TNFAIP8L1: variants seen among roughly 807,000 people sequenced by gnomAD.
TNFAIP8L1 encodes the protein TNF alpha induced protein 8 like 1.
For missense variants in TNFAIP8L1, 225 were observed against 266.1 expected, an observed-to-expected ratio of 0.85 and a Z score of 1.08; for synonymous variants, 127 against 125.6, an observed-to-expected ratio of 1.01 and a Z score of -0.08.
rs1599832739 is a variant in TNFAIP8L1, at chr19:4,654,569, T to A, written c.*2139T>A. ...GTTGCCCAGGATGGTCTCGAACTCC[T>A]GGGCTCAAGCGACCTACCTACCTCG... On this transcript the variant is annotated 3_prime_UTR_variant, in exon 2 of 2. Coordinates refer to ENST00000327473, the MANE Select transcript of TNFAIP8L1 (RefSeq NM_152362.3). 6.6e-6 allele frequency: 1 copy of A among 152,196 alleles called. No homozygotes were observed. Among genetic ancestry groups the A allele is most frequent in the East Asian group, 1.9e-4 (1 of 5,178 alleles). The allele number at this position is 152,196 out of a possible 1,614,324, so 9.4% of individuals were successfully genotyped here.
chr19:4,647,523 G>A (rs2088322855), intron 1 of TNFAIP8L1, among the ~76,000 whole-genome samples: 1 of 151,188 alleles, frequency 6.6e-6, no homozygotes, highest in African/African-American at 2.4e-5. Context: ...TGTTGGCCAG[G>A]CTGATCTCAA....
chr19:4,650,548 C>A (rs1369728280), intron 1 of TNFAIP8L1, among the ~76,000 whole-genome samples: 2 of 151,934 alleles, frequency 1.3e-5, no homozygotes, highest in African/African-American at 4.8e-5. Flanking sequence ...GGAAACTGGG[C>A]AGGCTACAGG....
intron 1 of TNFAIP8L1, among the ~76,000 whole-genome samples, chr19:4,644,541 T>A (rs995247106): frequency 1.4e-5 from 2 of 144,566 alleles, no homozygotes; most frequent in African/African-American, 5.4e-5. Flanking sequence ...TAAGACCTTG[T>A]CTTAAAAAAA....
At chr19:4,649,331 T>C (rs1464508542) in intron 1 of TNFAIP8L1, among the ~76,000 whole-genome samples, 1 of 151,972 alleles carries the variant, frequency 6.6e-6, no homozygotes, top group East Asian at 1.9e-4. Context: ...CAGGCAGTGG[T>C]TGCAGCCTCT....
In TNFAIP8L1 at chr19:4,641,525, C is replaced by G. The variant is rs376918759; in HGVS notation, c.-4+1896C>G. The G allele has an allele frequency of 2.6e-5, 4 of 152,244 alleles. No homozygotes were observed. In the South Asian group the frequency reaches 8.3e-4, roughly 32 times the overall value. The allele number at this position is 152,244 out of a possible 1,614,324, so 9.4% of individuals were successfully genotyped here. ...TGACCTCCCTGGAATCACACCCGCT[C>G]GAGCTTTGACGCAGGGACCTCTGGC... is the stretch of plus-strand genomic sequence containing the variant. On this transcript the variant is annotated intron_variant, in intron 1 of 1. Coordinates refer to ENST00000327473, the MANE Select transcript of TNFAIP8L1 (RefSeq NM_152362.3). This position sits in a 1 kb window ranked among gnomAD's most constrained non-coding sequence, Gnocchi z 4.6.
At chr19:4,644,763 G>A (rs1239520794) in intron 1 of TNFAIP8L1, among the ~76,000 whole-genome samples, 1 of 151,790 alleles carries the variant, frequency 6.6e-6, no homozygotes, top group Non-Finnish European at 1.5e-5. Context: ...GCCACACACG[G>A]CTAATTTTTG....
chr19:4,642,830 G>A (rs1183769733), intron 1 of TNFAIP8L1, among the ~76,000 whole-genome samples: 3 of 152,106 alleles, frequency 2.0e-5, no homozygotes, highest in Non-Finnish European at 4.4e-5. Flanking sequence ...CAAGGGAGGT[G>A]GGAGCCATGG....
rs986214935 is a variant in TNFAIP8L1 at position 4,652,149 on chromosome 19, G to C, written c.280G>C (p.Ala94Pro). ...GCTGCTGCGGCGCTTCCGCCACCGG[G>C]CGCGCTGCCTGGCCATGACGGCCGT... The part of the protein sequence containing the change: ...LALLRRFRHR[A>P]RCLAMTAVSF... The change falls in exon 2 of 2, where the codon GCG becomes CCG. Residue 94 changes from alanine (A) to proline (P), a missense_variant. Ala to Pro is a conservative substitution (Grantham distance 27). Coordinates refer to ENST00000327473, the MANE Select transcript of TNFAIP8L1 (RefSeq NM_152362.3). The C allele has an allele frequency of 1.3e-5, 21 of 1,563,230 alleles. No individual in the cohort carries two copies. Among genetic ancestry groups the C allele is most frequent in the Non-Finnish European group, 1.8e-5 (21 of 1,155,704 alleles).
intron 1 of TNFAIP8L1, among the ~76,000 whole-genome samples, chr19:4,650,955 G>A (rs1177442985): frequency 2.0e-5 from 3 of 152,156 alleles, no homozygotes; most frequent in Non-Finnish European, 2.9e-5. Flanking sequence ...CCACACTCCA[G>A]CCTGGGCGAC....
intron 1 of TNFAIP8L1, among the ~76,000 whole-genome samples, chr19:4,647,219 T>C (rs10417957): frequency 0.31 from 46,439 of 152,120 alleles, 7,831 homozygotes; most frequent in African/African-American, 0.45. Context: ...TGTATGCTTG[T>C]GTTTCTCTTG....
At chr19:4,644,950 G>A (rs935463215) in intron 1 of TNFAIP8L1, among the ~76,000 whole-genome samples, 4 of 152,138 alleles carry the variant, frequency 2.6e-5, no homozygotes, top group Non-Finnish European at 2.9e-5. Flanking sequence ...CCTGGGAGTC[G>A]GTGGGATGAG....
chr19:4,649,889 G>A (rs556613268), intron 1 of TNFAIP8L1, among the ~76,000 whole-genome samples: 50 of 152,302 alleles, frequency 3.3e-4, no homozygotes, highest in Admixed American at 1.1e-3. Flanking sequence ...AACTTCTCCC[G>A]GAGTCTGAAC....
chr19:4,641,686 G>C lies in TNFAIP8L1; in HGVS notation c.-4+2057G>C, dbSNP rs1188402829. 1.3e-5 allele frequency: 2 copies of C among 152,158 alleles called. No individual in the cohort carries two copies. Among genetic ancestry groups the C allele is most frequent in the African/African-American group, 4.8e-5 (2 of 41,418 alleles). 9.4% of individuals were successfully genotyped at this position (152,158 alleles called of 1,614,324 possible). A position where few individuals can be genotyped will look rare whatever the true frequency, so the allele number is the denominator to read the frequency against. On this transcript the variant is annotated intron_variant, in intron 1 of 1. Coordinates refer to ENST00000327473, the MANE Select transcript of TNFAIP8L1 (RefSeq NM_152362.3). The surrounding 1 kb of genome is among the most constrained non-coding windows in gnomAD (Gnocchi z 4.6). ...GGAGGGTGCTTTGAGGGGTGGGGGAGATTCAACAAGATATTGTTAAAAGCC... is the reference window on the plus strand; with the variant it reads ...GGAGGGTGCTTTGAGGGGTGGGGGACATTCAACAAGATATTGTTAAAAGCC...
intron 1 of TNFAIP8L1, among the ~76,000 whole-genome samples, chr19:4,646,974 G>A (rs2088317725): frequency 6.6e-6 from 1 of 152,204 alleles, no homozygotes; most frequent in Non-Finnish European, 1.5e-5. Flanking sequence ...TTGTGGCCTT[G>A]TGTGTCTGGC....
In TNFAIP8L1 at chr19:4,652,458, C is replaced by T. The variant is rs915435391; in HGVS notation, c.*28C>T. The T allele has an allele frequency of 2.7e-6, 4 of 1,481,752 alleles. No individual in the cohort carries two copies. Among genetic ancestry groups the T allele is most frequent in the Non-Finnish European group, 2.7e-6 (3 of 1,113,546 alleles). The allele number at this position is 1,481,752 out of a possible 1,614,324, so 91.8% of individuals were successfully genotyped here. A position where few individuals can be genotyped will look rare whatever the true frequency, so the allele number is the denominator to read the frequency against. On this transcript the variant is annotated 3_prime_UTR_variant, in exon 2 of 2. Coordinates refer to ENST00000327473, the MANE Select transcript of TNFAIP8L1 (RefSeq NM_152362.3). ...CCCGGCGCCGCCCAACCGCGCCCCT[C>T]GCGCCTTTTGGGGCTCTCCTGCTGG...
At chr19:4,644,792 G>A (rs1026694660) in intron 1 of TNFAIP8L1, among the ~76,000 whole-genome samples, 4 of 151,800 alleles carry the variant, frequency 2.6e-5, no homozygotes, top group African/African-American at 9.7e-5. Context: ...GTAGAGATGG[G>A]GTTTCACCAT....
At chr19:4,647,218 G>T (rs1364723089) in intron 1 of TNFAIP8L1, among the ~76,000 whole-genome samples, 1 of 152,200 alleles carries the variant, frequency 6.6e-6, no homozygotes, top group Non-Finnish European at 1.5e-5. Context: ...GTGTATGCTT[G>T]TGTTTCTCTT....
intron 1 of TNFAIP8L1, among the ~76,000 whole-genome samples, chr19:4,651,335 A>C (rs748276233): frequency 3.5e-4 from 53 of 152,170 alleles, no homozygotes; most frequent in Non-Finnish European, 6.9e-4. Context: ...TAATAAATAC[A>C]AAATAAAATT....
At position 4,652,500 on chromosome 19, in the gene TNFAIP8L1, T is replaced by A; in HGVS notation, c.*70T>A. On this transcript the variant is annotated 3_prime_UTR_variant, in exon 2 of 2. Coordinates refer to ENST00000327473, the MANE Select transcript of TNFAIP8L1 (RefSeq NM_152362.3). ...TCCTGCTGGGCGCGGGTGGGGTTTG[T>A]GGGTTTTTTTCCACCTCTTTTCTCC... 7.1e-7 allele frequency: 1 copy of A among 1,409,730 alleles called. No individual in the cohort carries two copies. The highest frequency in any genetic ancestry group is 9.4e-7 in the Non-Finnish European group (1 of 1,065,188). The allele number at this position is 1,409,730 out of a possible 1,614,324, so 87.3% of individuals were successfully genotyped here. A position where few individuals can be genotyped will look rare whatever the true frequency, so the allele number is the denominator to read the frequency against.
Sources: gnomAD v4.1 joint callset for allele counts (sites outside exome capture counted in the v4.1 genomes callset) on GRCh38, gnomAD v4.1.1 for gene constraint, Gnocchi (gnomAD v3.1) non-coding constraint, MANE v1.5 for transcripts, NCBI Gene and HGNC (gene_info 2026-07-23, HGNC 2026-07-21) for gene names.